The following RAD23A variants were observed in gnomAD, a reference collection of about 807,000 sequenced individuals.
The protein encoded by RAD23A is lysine-specific demethylase RAD23A.
Under a neutral mutation model 44.8 loss-of-function variants are expected in RAD23A, and 16 were observed. The observed-to-expected ratio is 0.36, with a 90% CI of 0.24 to 0.54. RAD23A has a LOEUF of 0.54. Ranked by LOEUF, RAD23A falls within the 20% of genes least tolerant of loss-of-function variation. RAD23A has a pLI of 0.89. For synonymous variants in RAD23A, 217 were observed against 202.9 expected (o/e 1.07, Z -0.59); for missense variants, 380 against 483.3 (o/e 0.79, Z 2.00).
intron 7 of RAD23A, among the ~76,000 whole-genome samples, chr19:12,949,942 C>T (rs1340442589): frequency 6.6e-6 from 1 of 151,866 alleles, no homozygotes; most frequent in African/African-American, 2.4e-5. Flanking sequence ...CCGGTCTTGG[C>T]TCAGGACCCT....
Position 12,945,863 on chromosome 19 carries a change from C to G in RAD23A, c.-86C>G. ...CCCCGGAAGTGGTCGGCGCGCGGCG[C>G]GGCGCGCCTGGGCGCTAAGATGGCG... On this transcript the variant is annotated 5_prime_UTR_variant, in exon 1 of 9. Transcript: ENST00000586534. 1.4e-6 allele frequency: 2 copies of G among 1,450,330 alleles called. No individual in the cohort carries two copies. Among genetic ancestry groups the G allele is most frequent in the Non-Finnish European group, 1.9e-6 (2 of 1,055,096 alleles). The allele number at this position is 1,450,330 out of a possible 1,614,324, so 89.8% of individuals were successfully genotyped here. A position where few individuals can be genotyped will look rare whatever the true frequency, so the allele number is the denominator to read the frequency against.
At chr19:12,946,041 C>T (rs575746876) in intron 1 of RAD23A, 21 bp downstream of exon 1, 2 of 273,290 alleles carry the variant, frequency 7.3e-6, no homozygotes, top group Non-Finnish European at 1.0e-5. Context: ...GGCCGGAGCC[C>T]GGGGGCGGGA....
In RAD23A at chr19:12,949,260, C is replaced by T. The variant is rs757686973; in HGVS notation, c.680-15C>T. 79 of 1,613,890 alleles carry T rather than the reference C, an allele frequency of 4.9e-5. No individual in the cohort carries two copies. In the East Asian group the frequency reaches 1.7e-3, roughly 35 times the overall value. On this transcript the variant is annotated splice_polypyrimidine_tract_variant and intron_variant, in intron 6 of 8. Transcript: ENST00000586534. ...GCCCGGCGTGGTGTCTGACTGCACC[C>T]CTTCCTACTACCAGCAGGAGAGAAC... is the stretch of plus-strand genomic sequence containing the variant.
At chr19:12,949,570 G>A (rs1182461755) in intron 7 of RAD23A, 162 bp downstream of exon 7, 3 of 948,444 alleles carry the variant, frequency 3.2e-6, no homozygotes, top group Non-Finnish European at 4.7e-6. Flanking sequence ...GACCCCCCTG[G>A]TTTCTCAGTC....
chr19:12,948,863 C>A lies in RAD23A; in HGVS notation c.600+50C>A. 1.3e-6 allele frequency: 2 copies of A among 1,563,836 alleles called. No homozygotes were observed. Among genetic ancestry groups the A allele is most frequent in the South Asian group, 1.2e-5 (1 of 84,152 alleles). On this transcript the variant is annotated intron_variant, in intron 5 of 8. Coordinates refer to ENST00000586534, the MANE Select transcript of RAD23A (RefSeq NM_005053.4). The surrounding 1 kb of genome is among the most constrained non-coding windows in gnomAD (Gnocchi z 5.5). The stretch of plus-strand genomic sequence containing the variant: ...GGGAGGCCTTGAGGGAGTACCCGGG[C>A]GTCACTGCCCTGATGGGCGGTTGGG...
rs1971800846 is a variant in RAD23A at position 12,951,153 on chromosome 19, T to C, written c.814-1536T>C. On this transcript the variant is annotated intron_variant, in intron 7 of 8. Coordinates refer to ENST00000586534, the MANE Select transcript of RAD23A (RefSeq NM_005053.4). ...TCACTTTTTTTGGTTTGGGGGCTGG[T>C]AGGTGGGAATAGAGACAGGGTCTAT... 2.0e-5 allele frequency among the ~76,000 whole-genome samples: 3 copies of C among 152,172 alleles called. No homozygotes were observed. The South Asian group carries it at 6.2e-4, about 31-fold the overall frequency.
chr19:12,952,129 G>T (rs1238676708), intron 7 of RAD23A, among the ~76,000 whole-genome samples: 1 of 152,102 alleles, frequency 6.6e-6, no homozygotes, highest in East Asian at 1.9e-4. Flanking sequence ...CACCATATTG[G>T]CCAGGCTGGT....
At chr19:12,946,245 C>T (rs1971670673) in intron 1 of RAD23A, among the ~76,000 whole-genome samples, 1 of 152,198 alleles carries the variant, frequency 6.6e-6, no homozygotes, top group Admixed American at 6.5e-5. Flanking sequence ...GGCCCCACCC[C>T]CGGGGCGCTG....
chr19:12,950,915 G>C (rs528206513), intron 7 of RAD23A, among the ~76,000 whole-genome samples: 12 of 152,228 alleles, frequency 7.9e-5, no homozygotes, highest in African/African-American at 2.9e-4. Flanking sequence ...AATACAAAAA[G>C]TAGCTGAGCA....
chr19:12,949,806 C>T (rs1199230982), intron 7 of RAD23A, among the ~76,000 whole-genome samples: 1 of 152,050 alleles, frequency 6.6e-6, no homozygotes, highest in African/African-American at 2.4e-5. Flanking sequence ...ACAGCTGTGC[C>T]CCAGTTGGCT....
chr19:12,952,164 T>C (rs1971830429), intron 7 of RAD23A, among the ~76,000 whole-genome samples: 1 of 151,694 alleles, frequency 6.6e-6, no homozygotes, highest in South Asian at 2.1e-4. Context: ...TGGTCTAGAA[T>C]CACCTGAAGT....
chr19:12,952,170 G>GA, intron 7 of RAD23A, among the ~76,000 whole-genome samples: 1 of 151,904 alleles, frequency 6.6e-6, no homozygotes, highest in Non-Finnish European at 1.5e-5. Context: ...AGAATCACCT[G>GA]AAGTGATTAT....
At position 12,949,078 on chromosome 19, in the gene RAD23A, C is replaced by T; in HGVS notation, c.601-3C>T. 6.2e-7 allele frequency: 1 copy of T among 1,611,096 alleles called. No homozygotes were observed. Among genetic ancestry groups the T allele is most frequent in the Non-Finnish European group, 8.5e-7 (1 of 1,178,668 alleles). Reference sequence around the variant, plus strand: ...CATTAGAACTAAACAGGACCCCTGACAGGGAATTCCTGGGAGCCCCGAGCC... The same window carrying T: ...CATTAGAACTAAACAGGACCCCTGATAGGGAATTCCTGGGAGCCCCGAGCC... On this transcript the variant is annotated splice_region_variant and splice_polypyrimidine_tract_variant and intron_variant, in intron 5 of 8. Transcript: ENST00000586534.
Position 12,948,173 on chromosome 19 carries a change from G to A in RAD23A, c.235-4G>A. ...TGCCAGCTCCCTTTTTCTTGCTGTTGCAGACCAAAGCCGGCCAGGGTACCT... is the reference window on the plus strand; with the variant it reads ...TGCCAGCTCCCTTTTTCTTGCTGTTACAGACCAAAGCCGGCCAGGGTACCT... On this transcript the variant is annotated splice_region_variant and splice_polypyrimidine_tract_variant and intron_variant, in intron 2 of 8. Coordinates refer to ENST00000586534, the MANE Select transcript of RAD23A (RefSeq NM_005053.4). The surrounding 1 kb of genome is among the most constrained non-coding windows in gnomAD (Gnocchi z 5.5). 1 of 1,614,000 alleles carries A rather than the reference G, an allele frequency of 6.2e-7. No homozygotes were observed. Among genetic ancestry groups the A allele is most frequent in the South Asian group, 1.1e-5 (1 of 91,078 alleles).
intron 1 of RAD23A, 132 bp downstream of exon 1, chr19:12,946,152 GC>G: frequency 1.2e-6 from 1 of 856,126 alleles, no homozygotes; most frequent in Non-Finnish European, 1.7e-6. Context: ...CCCCCGACCT[GC>G]CCGACTTTCC....
chr19:12,946,920 C>T (rs1568452239), intron 1 of RAD23A, among the ~76,000 whole-genome samples: 2 of 152,128 alleles, frequency 1.3e-5, no homozygotes, highest in Admixed American at 6.6e-5. Flanking sequence ...ATCAAATGAA[C>T]CGGTCGCCTG....
chr19:12,950,653 G>A (rs1971787028), intron 7 of RAD23A, among the ~76,000 whole-genome samples: 1 of 152,088 alleles, frequency 6.6e-6, no homozygotes, highest in African/African-American at 2.4e-5. Context: ...TGCCCGCCTT[G>A]GCCTCCCAAA....
chr19:12,953,176 A>G lies in RAD23A; in HGVS notation c.*127A>G. The G allele has an allele frequency of 4.4e-6, 3 of 681,144 alleles. No individual in the cohort carries two copies. The highest frequency in any genetic ancestry group is 6.9e-6 in the Non-Finnish European group (3 of 432,632). The allele number at this position is 681,144 out of a possible 1,614,324, so 42.2% of individuals were successfully genotyped here. A position where few individuals can be genotyped will look rare whatever the true frequency, so the allele number is the denominator to read the frequency against. On this transcript the variant is annotated 3_prime_UTR_variant, in exon 9 of 9. Coordinates refer to ENST00000586534, the MANE Select transcript of RAD23A (RefSeq NM_005053.4). ...AAAAAAAAATCAAAAATCTTAAAAA[A>G]ACAAGCAAACAGTCCAGCTTCCTGT...
Position 12,945,867 on chromosome 19 carries a change from G to C in RAD23A, c.-82G>C. 1 of 1,476,114 alleles carries C rather than the reference G, an allele frequency of 6.8e-7. No individual in the cohort carries two copies. Among genetic ancestry groups the C allele is most frequent in the East Asian group, 2.4e-5 (1 of 42,306 alleles). The allele number at this position is 1,476,114 out of a possible 1,614,324, so 91.4% of individuals were successfully genotyped here. ...GGAAGTGGTCGGCGCGCGGCGCGGC[G>C]CGCCTGGGCGCTAAGATGGCGGCGG... On this transcript the variant is annotated 5_prime_UTR_variant, in exon 1 of 9. Coordinates refer to ENST00000586534, the MANE Select transcript of RAD23A (RefSeq NM_005053.4).
Sources: gnomAD v4.1 joint callset for allele counts (sites outside exome capture counted in the v4.1 genomes callset) on GRCh38, gnomAD v4.1.1 for gene constraint, Gnocchi (gnomAD v3.1) non-coding constraint, MANE v1.5 for transcripts, NCBI Gene and HGNC (gene_info 2026-07-23, HGNC 2026-07-21) for gene names.